The following ATR variants were observed in gnomAD, a reference collection of about 807,000 sequenced individuals.
The protein encoded by ATR is serine/threonine-protein kinase ATR.
ATR carries 142 observed loss-of-function variants against 305.3 expected under a neutral mutation model. The observed-to-expected ratio is 0.47, with a 90% CI of 0.41 to 0.53. The LOEUF (loss-of-function observed/expected upper bound fraction) is 0.53, where lower values mean the gene tolerates loss of function less well. Among genes scored for constraint, ATR ranks in the 20% least tolerant of loss-of-function variants. ATR has a pLI of 0.00. For synonymous variants in ATR, 1,050 were observed against 1,068.1 expected (o/e 0.98, Z 0.33); for missense variants, 2,135 against 3,133.1 (o/e 0.68, Z 7.60).
Position 142,495,666 on chromosome 3 carries a change from C to T in ATR, c.5898+695G>A, listed in dbSNP as rs189332790. ...GGCTGAGGCAGGAGAATCACTTGAA[C>T]TCGGGAGGCAGAGGTTGTAGTGAGC... On this transcript the variant is annotated intron_variant, in intron 34 of 46. Transcript: ENST00000350721. Among the ~76,000 whole-genome samples the T allele has an allele frequency of 1.5e-3, 228 of 152,228 alleles. 1 individual carries two copies. Among genetic ancestry groups the T allele is most frequent in the African/African-American group, 5.1e-3 (213 of 41,538 alleles).
chr3:142,566,082 G>A (rs1368924587), intron 3 of ATR, 39 bp downstream of exon 3: 19 of 1,612,860 alleles, frequency 1.2e-5, no homozygotes, highest in Non-Finnish European at 1.4e-5. Context: ...GGATTTTATA[G>A]AACAGATGGC....
At chr3:142,538,852 TA>T (rs138807786) in intron 18 of ATR, among the ~76,000 whole-genome samples, 8 of 150,930 alleles carry the variant, frequency 5.3e-5, no homozygotes, top group East Asian at 1.9e-4. Context: ...GAATTAATAA[TA>T]AAAAAAAAGT....
intron 26 of ATR, 89 bp downstream of exon 26, chr3:142,513,412 C>T (rs2032681941): frequency 6.7e-7 from 1 of 1,482,640 alleles, no homozygotes; most frequent in Admixed American, 1.7e-5. Context: ...GTCTACATTT[C>T]CTACTAATAG....
chr3:142,491,669 G>C (rs112366351), intron 35 of ATR, among the ~76,000 whole-genome samples: 2 of 152,164 alleles, frequency 1.3e-5, no homozygotes, highest in African/African-American at 4.8e-5. Context: ...ATCAAGGTTA[G>C]TTTCTTAGGT....
chr3:142,558,270 C>G (rs149640705), intron 8 of ATR, among the ~76,000 whole-genome samples: 345 of 152,136 alleles, frequency 2.3e-3, no homozygotes, highest in African/African-American at 7.9e-3. Flanking sequence ...CGCCTGTAAT[C>G]CTAGCACTTT....
intron 36 of ATR, among the ~76,000 whole-genome samples, chr3:142,479,920 C>T (rs527991190): frequency 9.9e-5 from 15 of 152,282 alleles, no homozygotes; most frequent in South Asian, 4.1e-4. Context: ...GTTCCTGTGC[C>T]GTGGATTTCA....
chr3:142,556,259 T>C (rs961965150), intron 9 of ATR, 120 bp from the exon 10 acceptor site: 2 of 1,493,434 alleles, frequency 1.3e-6, no homozygotes, highest in Admixed American at 4.1e-5. Context: ...AAATGTTAAA[T>C]TCTAAAACTA....
intron 18 of ATR, among the ~76,000 whole-genome samples, 157 bp from the exon 19 acceptor site, chr3:142,538,782 A>AC (rs2108433753): frequency 6.6e-6 from 1 of 152,360 alleles, no homozygotes; most frequent in East Asian, 1.9e-4. Flanking sequence ...ATATTCAAAT[A>AC]AAGTGATGTC....
chr3:142,546,232 A>AG (rs1279797095), intron 16 of ATR, among the ~76,000 whole-genome samples: 2 of 152,158 alleles, frequency 1.3e-5, no homozygotes, highest in Admixed American at 1.3e-4. Context: ...CTACAATGAG[A>AG]GGACCCCCCT....
Position 142,497,126 on chromosome 3 carries a change from A to T in ATR, c.5625T>A (p.Ser1875Arg), listed in dbSNP as rs2108336419. Residue 1875 changes from serine (S) to arginine (R), a missense_variant, in exon 33 of 47, where the codon AGT (serine) becomes AGA (arginine). Around this residue, in one of 9 missense-constraint regions of ATR, gnomAD observed 117 missense variants for 198.3 expected, o/e 0.59. Coordinates refer to ENST00000350721, the MANE Select transcript of ATR (RefSeq NM_001184.4). ...CCCAGTTTAGAGAATCTTCTTGAGA[A>T]CTGTCACCTGGAGAATGCTGGAAAA... ...KPLFQHSPGD[S>R]SQEDSLNWVA... 4.3e-6 allele frequency: 7 copies of T among 1,614,096 alleles called. No individual in the cohort carries two copies. The highest frequency in any genetic ancestry group is 5.1e-6 in the Non-Finnish European group (6 of 1,179,974).
rs1172221438 is a variant in ATR, at chr3:142,512,477, G to T, written c.4642-7C>A. 1.3e-6 allele frequency: 2 copies of T among 1,578,084 alleles called. No homozygotes were observed. Among genetic ancestry groups the T allele is most frequent in the Admixed American group, 3.3e-5 (2 of 59,858 alleles). On this transcript the variant is annotated splice_polypyrimidine_tract_variant and splice_region_variant and intron_variant, in intron 26 of 46. Transcript: ENST00000350721. ...CCATAATTTCTGCATAAACCTATGA[G>T]AATCATTTATAATTAATAATAATAT... is the stretch of plus-strand genomic sequence containing the variant.
At chr3:142,499,924 A>G in intron 30 of ATR, 1 of 491,300 alleles carries the variant, frequency 2.0e-6, no homozygotes, top group East Asian at 3.7e-5. Flanking sequence ...TTTTTTCACT[A>G]ATTACTTCTG....
At chr3:142,527,309 G>A (rs2033436868) in intron 21 of ATR, among the ~76,000 whole-genome samples, 1 of 151,884 alleles carries the variant, frequency 6.6e-6, no homozygotes, top group Non-Finnish European at 1.5e-5. Flanking sequence ...TTTAGTTTGT[G>A]AAAATTTGAT....
At chr3:142,537,242 CT>C (rs10717093) in intron 19 of ATR, among the ~76,000 whole-genome samples, 125,174 of 148,730 alleles carry the variant, frequency 0.84, 52,838 homozygotes, top group East Asian at 0.99. Context: ...GCTCTTTTTG[CT>C]TTTTTTTTTT....
chr3:142,504,859 T>A (rs1016622414), intron 29 of ATR, among the ~76,000 whole-genome samples: 8 of 152,108 alleles, frequency 5.3e-5, no homozygotes, highest in African/African-American at 1.7e-4. Context: ...AGACACTCAG[T>A]GACACTGACA....
In ATR at chr3:142,556,663, T is replaced by C. The variant is rs2034685288; in HGVS notation, c.1886-88A>G. 4 of 1,202,294 alleles carry C rather than the reference T, an allele frequency of 3.3e-6. No individual in the cohort carries two copies. The Admixed American group carries it at 8.9e-5, about 27-fold the overall frequency. 74.5% of individuals were successfully genotyped at this position (1,202,294 alleles called of 1,614,324 possible). A position where few individuals can be genotyped will look rare whatever the true frequency, so the allele number is the denominator to read the frequency against. On this transcript the variant is annotated intron_variant, in intron 8 of 46. Transcript: ENST00000350721. The stretch of plus-strand genomic sequence containing the variant: ...ACATATATATAAGTAAAGTAACATT[T>C]GTGTATACATATATATAAATAAAAG...
At chr3:142,538,426 A>T (rs2108431827) in intron 19 of ATR, 56 bp downstream of exon 19, 1 of 1,548,330 alleles carries the variant, frequency 6.5e-7, no homozygotes. Context: ...TAATTTTGAG[A>T]CATAAAAATA....
intron 26 of ATR, 149 bp from the exon 27 acceptor site, chr3:142,512,619 G>C: frequency 1.6e-6 from 1 of 606,680 alleles, no homozygotes; most frequent in Non-Finnish European, 2.6e-6. Context: ...CCAGCACTTT[G>C]GGAGGCTGAG....
At chr3:142,496,949 C>A in intron 33 of ATR, 64 bp downstream of exon 33, 1 of 1,524,314 alleles carries the variant, frequency 6.6e-7, no homozygotes, top group South Asian at 1.2e-5. Context: ...CAAACACCCC[C>A]AAATAATATC....
Sources: gnomAD v4.1 joint callset for allele counts (sites outside exome capture counted in the v4.1 genomes callset) on GRCh38, gnomAD v4.1.1 for gene constraint, gnomAD v4.1.1 regional missense constraint, MANE v1.5 for transcripts, NCBI Gene and HGNC (gene_info 2026-07-23, HGNC 2026-07-21) for gene names.